CLMN: variants seen among roughly 807,000 people sequenced by gnomAD.
CLMN encodes calmin, also known as calmin (calponin-like, transmembrane).
Under a neutral mutation model 92.7 loss-of-function variants are expected in CLMN, and 57 were observed. The observed-to-expected ratio is 0.61, with a 90% CI of 0.50 to 0.77. The LOEUF (loss-of-function observed/expected upper bound fraction) is 0.77, where lower values mean the gene tolerates loss of function less well. Among genes scored for constraint, CLMN ranks in the 30% least tolerant of loss-of-function variants. The probability of loss-of-function intolerance (pLI) is 0.00; values close to 1 mark genes in which losing one functional copy is unlikely to be tolerated. For missense variants in CLMN, 1,158 were observed against 1,237.5 expected (o/e 0.94, Z 0.96); for synonymous variants, 466 against 470.6 (o/e 0.99, Z 0.13).
intron 1 of CLMN, among the ~76,000 whole-genome samples, chr14:95,247,511 T>C (rs888774177): frequency 2.6e-5 from 4 of 152,274 alleles, no homozygotes. Context: ...TCCATGTCTT[T>C]TGGGCTTCCT....
intron 1 of CLMN, 34 bp from the exon 2 acceptor site, chr14:95,230,167 TAAG>T (rs1484359496): frequency 2.5e-6 from 4 of 1,601,260 alleles, no homozygotes; most frequent in Non-Finnish European, 3.4e-6. Flanking sequence ...GCTGGGAGAA[TAAG>T]AAGTATGTGC....
chr14:95,269,983 G>A (rs1046644113), intron 1 of CLMN, among the ~76,000 whole-genome samples: 5 of 151,286 alleles, frequency 3.3e-5, no homozygotes, highest in Non-Finnish European at 4.4e-5. Flanking sequence ...ACCGCGATTC[G>A]GAGACTCAGC....
rs1341298872 is a variant in CLMN, at chr14:95,204,121, A to G, written c.1228T>C (p.Ser410Pro). The G allele has an allele frequency of 1.1e-5, 17 of 1,614,000 alleles. No homozygotes were observed. The East Asian group carries it at 3.6e-4, about 34-fold the overall frequency. Residue 410 changes from serine to proline, a missense_variant, in exon 9 of 13, where the codon TCC becomes CCC. Ser to Pro is a moderately conservative substitution (Grantham distance 74). Transcript: ENST00000298912. ...TTGGACCTCCCGTTCTCCTTTCTGG[A>G]TGATAAAATGGAGGATTCTGGAGAT... ...EPSPESSILS[S>P]RKENGRSNSL...
rs1363243092 is a variant in CLMN at position 95,185,657 on chromosome 14, G to C, written c.*5907C>G. The C allele has an allele frequency of 6.6e-6, 1 of 152,140 alleles. No individual in the cohort carries two copies. The highest frequency in any genetic ancestry group is 1.5e-5 in the Non-Finnish European group (1 of 68,052). 9.4% of individuals were successfully genotyped at this position (152,140 alleles called of 1,614,324 possible). A position where few individuals can be genotyped will look rare whatever the true frequency, so the allele number is the denominator to read the frequency against. On this transcript the variant is annotated 3_prime_UTR_variant, in exon 13 of 13. Transcript: ENST00000298912. ...TGGCTGAGAAGGTCCCGAGATACCA[G>C]GCTGACTGGAAGCTCCCACACAGCC...
chr14:95,286,271 A>C (rs184251713), intron 1 of CLMN, among the ~76,000 whole-genome samples: 47 of 152,358 alleles, frequency 3.1e-4, no homozygotes, highest in African/African-American at 1.1e-3. Flanking sequence ...GAGAGGCAAG[A>C]GGTAATAGCC....
intron 1 of CLMN, among the ~76,000 whole-genome samples, chr14:95,248,517 C>T (rs1378506543): frequency 1.3e-5 from 2 of 152,182 alleles, no homozygotes; most frequent in Non-Finnish European, 2.9e-5. Context: ...CCGTTGACCT[C>T]GTCCCTGACC....
At chr14:95,226,639 T>C (rs1897720337) in intron 2 of CLMN, among the ~76,000 whole-genome samples, 1 of 152,080 alleles carries the variant, frequency 6.6e-6, no homozygotes, top group East Asian at 1.9e-4. Flanking sequence ...TGCAGTGGCA[T>C]GACCACGGTT....
intron 1 of CLMN, among the ~76,000 whole-genome samples, chr14:95,312,806 G>A (rs1901600236): frequency 6.6e-6 from 1 of 152,172 alleles, no homozygotes; most frequent in Non-Finnish European, 1.5e-5. Flanking sequence ...GGATGTGGGG[G>A]CATCTTGACG....
chr14:95,210,783 C>A lies in CLMN; in HGVS notation c.705G>T (p.Met235Ile). Residue 235 changes from methionine to isoleucine, a missense_variant, in exon 7 of 13, where the codon ATG (methionine) becomes ATT (isoleucine). Coordinates refer to ENST00000298912, the MANE Select transcript of CLMN (RefSeq NM_024734.4). The stretch of plus-strand genomic sequence containing the variant: ...GTGTGGAATTTTCCAGGGCCTGTTT[C>A]ATGTCCACCAGGCTGGGGTCAATGG... ...IKAIDPSLVD[M>I]KQALENSTRE... 6.2e-7 allele frequency: 1 copy of A among 1,602,204 alleles called. No individual in the cohort carries two copies.
chr14:95,304,146 T>C (rs1271923787), intron 1 of CLMN, among the ~76,000 whole-genome samples: 1 of 152,088 alleles, frequency 6.6e-6, no homozygotes, highest in Non-Finnish European at 1.5e-5. Flanking sequence ...GATGCCAACC[T>C]GGGCAACATA....
chr14:95,196,643 C>T lies in CLMN; in HGVS notation c.2563G>A (p.Val855Ile). 1.9e-6 allele frequency: 3 copies of T among 1,613,980 alleles called. No homozygotes were observed. The highest frequency in any genetic ancestry group is 1.3e-5 in the African/African-American group (1 of 74,966). Residue 855 changes from valine to isoleucine, a missense_variant, in exon 10 of 13, where the codon GTA (valine) becomes ATA (isoleucine). Physicochemically the swap from Val to Ile is conservative, Grantham distance 29. Coordinates refer to ENST00000298912, the MANE Select transcript of CLMN (RefSeq NM_024734.4). ...TTACTACTGATTGATTCTTTCGTTA[C>T]ATTTTCTTCTAGGGGGTTTGCTATG... is the stretch of plus-strand genomic sequence containing the variant. ...ENIANPLEEN[V>I]TKESISSKKK... is the part of the protein sequence containing the mutation.
chr14:95,296,773 C>A (rs553933588), intron 1 of CLMN, among the ~76,000 whole-genome samples: 1 of 152,300 alleles, frequency 6.6e-6, no homozygotes, highest in Admixed American at 6.5e-5. Context: ...TGAGAACCTG[C>A]AGATAATCTG....
intron 1 of CLMN, among the ~76,000 whole-genome samples, chr14:95,258,056 G>T (rs1899074821): frequency 6.6e-6 from 1 of 151,948 alleles, no homozygotes; most frequent in Non-Finnish European, 1.5e-5. Flanking sequence ...CAGAATAGGT[G>T]GTATGCGTGA....
At chr14:95,279,173 C>T (rs1214092901) in intron 1 of CLMN, among the ~76,000 whole-genome samples, 1 of 152,046 alleles carries the variant, frequency 6.6e-6, no homozygotes, top group Non-Finnish European at 1.5e-5. Flanking sequence ...AACTTTAATA[C>T]CTTTTAGTTC....
intron 8 of CLMN, among the ~76,000 whole-genome samples, chr14:95,207,759 G>T (rs1897085874): frequency 6.6e-6 from 1 of 152,186 alleles, no homozygotes; most frequent in African/African-American, 2.4e-5. Flanking sequence ...CCTGTAAGGG[G>T]TCCGTATGTG....
At chr14:95,299,800 T>C (rs1400412924) in intron 1 of CLMN, among the ~76,000 whole-genome samples, 1 of 152,198 alleles carries the variant, frequency 6.6e-6, no homozygotes, top group East Asian at 1.9e-4. Flanking sequence ...GCCCAACCTT[T>C]GGTTACCTTT....
At chr14:95,276,246 G>A (rs915176027) in intron 1 of CLMN, among the ~76,000 whole-genome samples, 8 of 152,196 alleles carry the variant, frequency 5.3e-5, no homozygotes, top group African/African-American at 1.4e-4. Flanking sequence ...AGGAAAGGAT[G>A]GAATTGGGCT....
rs564914062 is a variant in CLMN, at chr14:95,306,217, A to G, written c.82+13494T>C. On this transcript the variant is annotated intron_variant, in intron 1 of 12. Coordinates refer to ENST00000298912, the MANE Select transcript of CLMN (RefSeq NM_024734.4). ...AAGTCAGAGGCCCCAGACTTGCTCA[A>G]GAAGAGAGAACTAGCCAGGCATGGT... 8.3e-4 allele frequency among the ~76,000 whole-genome samples: 127 copies of G among 152,328 alleles called. 1 individual carries two copies. The South Asian group carries it at 0.012, about 14-fold the overall frequency.
intron 1 of CLMN, among the ~76,000 whole-genome samples, chr14:95,245,311 G>A (rs1205710396): frequency 2.3e-5 from 2 of 87,110 alleles, no homozygotes; most frequent in East Asian, 6.0e-4. Flanking sequence ...TTATTTTATG[G>A]GTCAGGTAAG....
Sources: gnomAD v4.1 joint callset for allele counts (sites outside exome capture counted in the v4.1 genomes callset) on GRCh38, gnomAD v4.1.1 for gene constraint, MANE v1.5 for transcripts, NCBI Gene and HGNC (gene_info 2026-07-23, HGNC 2026-07-21) for gene names.